The following EFCAB11 variants were observed in gnomAD, a reference collection of about 807,000 sequenced individuals.
EFCAB11 encodes EF-hand calcium binding domain 11, also known as EF-hand calcium-binding domain-containing protein 11.
EFCAB11 carries 14 observed loss-of-function variants against 23.0 expected under a neutral mutation model. The ratio of observed to expected loss-of-function variants is 0.61; its 90% confidence interval spans 0.40 to 0.95. The LOEUF (loss-of-function observed/expected upper bound fraction) is 0.95, where lower values mean the gene tolerates loss of function less well. Ranked by LOEUF, EFCAB11 falls within the 40% of genes least tolerant of loss-of-function variation. The pLI is 0.00. For synonymous variants in EFCAB11, 65 were observed against 66.6 expected (o/e 0.98, Z 0.11); for missense variants, 198 against 195.8 (o/e 1.01, Z -0.07).
chr14:89,922,715 A>G (rs2139789410), intron 5 of EFCAB11, among the ~76,000 whole-genome samples: 1 of 152,208 alleles, frequency 6.6e-6, no homozygotes, highest in East Asian at 1.9e-4. Flanking sequence ...GGGTGTGGGG[A>G]GTGTGATGAT....
intron 3 of EFCAB11, among the ~76,000 whole-genome samples, chr14:89,946,458 T>C (rs1216971066): frequency 6.6e-6 from 1 of 152,226 alleles, no homozygotes; most frequent in African/African-American, 2.4e-5. Context: ...AATGGGGCTG[T>C]TGAGATCATT....
chr14:89,916,694 G>A (rs1276605590), intron 5 of EFCAB11, among the ~76,000 whole-genome samples: 1 of 152,148 alleles, frequency 6.6e-6, no homozygotes, highest in East Asian at 1.9e-4. Context: ...CCTGCAAACA[G>A]AGTTAAATTT....
chr14:89,838,185 C>A (rs1367004366), intron 5 of EFCAB11, among the ~76,000 whole-genome samples: 1 of 152,116 alleles, frequency 6.6e-6, no homozygotes, highest in Admixed American at 6.5e-5. Flanking sequence ...TGAGGAGATT[C>A]ATATCCGAGG....
At chr14:89,924,623 C>A in intron 5 of EFCAB11, 3 of 1,535,470 alleles carry the variant, frequency 2.0e-6, no homozygotes, top group South Asian at 1.2e-5. Context: ...CAAGAAAGAA[C>A]TTTAAGTCAG....
intron 5 of EFCAB11, among the ~76,000 whole-genome samples, chr14:89,811,182 A>T (rs1886140903): frequency 6.6e-6 from 1 of 152,058 alleles, no homozygotes; most frequent in East Asian, 1.9e-4. Context: ...GGTACATTCA[A>T]GGAACTGAAA....
chr14:89,821,064 C>G (rs1231217848), intron 5 of EFCAB11, among the ~76,000 whole-genome samples: 1 of 152,046 alleles, frequency 6.6e-6, no homozygotes, highest in African/African-American at 2.4e-5. Context: ...GTCTCACTAT[C>G]TTGCCCAGGA....
At chr14:89,896,262 T>C (rs1024492823) in intron 5 of EFCAB11, among the ~76,000 whole-genome samples, 1 of 152,016 alleles carries the variant, frequency 6.6e-6, no homozygotes, top group Non-Finnish European at 1.5e-5. Flanking sequence ...CGGACCCCTG[T>C]AGTCCCAGCT....
rs116677422 is a variant in EFCAB11 at position 89,938,605 on chromosome 14, T to C, written c.218-5978A>G. Among the ~76,000 whole-genome samples, 451 of 151,752 alleles carry C rather than the reference T, an allele frequency of 3.0e-3. 2 individuals are homozygous for C. Among genetic ancestry groups the C allele is most frequent in the African/African-American group, 0.01 (417 of 41,354 alleles). The stretch of plus-strand genomic sequence containing the variant: ...TAATGGAAGAAATCAAGTTTTACTA[T>C]ATAATTGGAGGGAAAATGAGTAAAA... On this transcript the variant is annotated intron_variant, in intron 3 of 5. Transcript: ENST00000316738.
At chr14:89,799,705 C>T (rs936558275) in intron 5 of EFCAB11, among the ~76,000 whole-genome samples, 5 of 151,840 alleles carry the variant, frequency 3.3e-5, no homozygotes, top group African/African-American at 1.2e-4. Context: ...AGGGCAAGAC[C>T]TTTGTCTTCT....
chr14:89,914,304 T>C (rs776986791), intron 5 of EFCAB11, among the ~76,000 whole-genome samples: 5 of 152,166 alleles, frequency 3.3e-5, no homozygotes, highest in Non-Finnish European at 7.4e-5. Flanking sequence ...GAGCATGGGA[T>C]GTGGTGGAGG....
At chr14:89,927,867 G>A (rs997684391) in intron 5 of EFCAB11, among the ~76,000 whole-genome samples, 2 of 151,968 alleles carry the variant, frequency 1.3e-5, no homozygotes, top group African/African-American at 4.8e-5. Flanking sequence ...GATTACAGGC[G>A]CCCACCACCA....
chr14:89,943,951 G>C (rs1387242771), intron 3 of EFCAB11, among the ~76,000 whole-genome samples: 1 of 152,092 alleles, frequency 6.6e-6, no homozygotes, highest in Admixed American at 6.5e-5. Flanking sequence ...ACTAGTTAAG[G>C]AAAGAAAACA....
chr14:89,851,268 C>T (rs552284164), intron 5 of EFCAB11, among the ~76,000 whole-genome samples: 1 of 152,214 alleles, frequency 6.6e-6, no homozygotes, highest in South Asian at 2.1e-4. Flanking sequence ...TGGCTTGCAC[C>T]CAAATGCCCC....
intron 5 of EFCAB11, among the ~76,000 whole-genome samples, chr14:89,929,094 T>TGGGGTGCA (rs1249496307): frequency 6.7e-6 from 1 of 149,182 alleles, no homozygotes; most frequent in Non-Finnish European, 1.5e-5. Flanking sequence ...TTGCCCAGGC[T>TGGGGTGCA]GGGGTGCAGG....
chr14:89,947,888 A>T lies in EFCAB11; in HGVS notation c.217+2209T>A, dbSNP rs556250144. Among the ~76,000 whole-genome samples, 108 of 152,234 alleles carry T rather than the reference A, an allele frequency of 7.1e-4. 1 individual carries two copies. In the Middle Eastern group the frequency reaches 0.01, roughly 14 times the overall value. On this transcript the variant is annotated intron_variant, in intron 3 of 5. Coordinates refer to ENST00000316738, the MANE Select transcript of EFCAB11 (RefSeq NM_145231.4). The stretch of plus-strand genomic sequence containing the variant: ...CTTCAGCCCAGAACTTACTTCTGAA[A>T]TTCATCCAATCTGACTGCTTTGACA...
intron 5 of EFCAB11, among the ~76,000 whole-genome samples, chr14:89,874,395 C>T (rs1441794818): frequency 2.6e-5 from 4 of 152,142 alleles, no homozygotes; most frequent in African/African-American, 7.2e-5. Context: ...ACATTTTTCC[C>T]GTTGTCTTGG....
At chr14:89,902,688 T>G (rs569845441) in intron 5 of EFCAB11, among the ~76,000 whole-genome samples, 4 of 152,302 alleles carry the variant, frequency 2.6e-5, no homozygotes, top group Non-Finnish European at 5.9e-5. Context: ...AGATTAGATA[T>G]TAGAGAGAGT....
At chr14:89,935,454 T>A (rs1465158258) in intron 3 of EFCAB11, among the ~76,000 whole-genome samples, 1 of 144,840 alleles carries the variant, frequency 6.9e-6, no homozygotes, top group African/African-American at 2.6e-5. Context: ...CAGGCTGGAG[T>A]GCAAAGGCTA....
intron 5 of EFCAB11, among the ~76,000 whole-genome samples, chr14:89,853,553 T>G (rs1307070756): frequency 6.6e-6 from 1 of 152,164 alleles, no homozygotes; most frequent in Non-Finnish European, 1.5e-5. Flanking sequence ...CACTAGGAAG[T>G]GGTGAGGCTG....
Sources: allele counts gnomAD v4.1 joint callset (sites outside exome capture counted in the v4.1 genomes callset), GRCh38; gene constraint gnomAD v4.1.1; transcripts MANE v1.5; gene names NCBI Gene and HGNC (gene_info 2026-07-23, HGNC 2026-07-21).